The following UBE2G1 variants were observed in gnomAD, a reference collection of about 807,000 sequenced individuals.
The protein encoded by UBE2G1 is ubiquitin-conjugating enzyme E2 G1.
UBE2G1 carries 5 observed loss-of-function variants against 22.7 expected under a neutral mutation model. The observed-to-expected ratio is 0.22, with a 90% CI of 0.12 to 0.46. The LOEUF is 0.46. Among genes scored for constraint, UBE2G1 ranks in the 20% least tolerant of loss-of-function variants. UBE2G1 has a pLI of 0.99. For missense variants in UBE2G1, 88 were observed against 203.9 expected (o/e 0.43, Z 3.46); for synonymous variants, 74 against 67.5 (o/e 1.10, Z -0.47).
chr17:4,355,664 A>T (rs1204310251), intron 1 of UBE2G1, among the ~76,000 whole-genome samples: 3 of 150,732 alleles, frequency 2.0e-5, no homozygotes, highest in Non-Finnish European at 4.4e-5. Context: ...AGAAAAAAAA[A>T]ATTCATTTAC....
At chr17:4,298,739 A>G (rs954126329) in intron 2 of UBE2G1, among the ~76,000 whole-genome samples, 7 of 152,232 alleles carry the variant, frequency 4.6e-5, no homozygotes, top group Non-Finnish European at 8.8e-5. Flanking sequence ...AATTTATACA[A>G]AAAATTTAAC....
chr17:4,317,578 A>C (rs138723239), intron 1 of UBE2G1, among the ~76,000 whole-genome samples: 1 of 152,240 alleles, frequency 6.6e-6, no homozygotes, highest in Non-Finnish European at 1.5e-5. Flanking sequence ...CTTCAAAAAC[A>C]TAAGGAAAAT....
intron 2 of UBE2G1, among the ~76,000 whole-genome samples, chr17:4,299,340 A>G (rs1969146908): frequency 6.6e-6 from 1 of 152,132 alleles, no homozygotes; most frequent in Non-Finnish European, 1.5e-5. Flanking sequence ...TGGAGGGTGC[A>G]GTGAGCCAAG....
chr17:4,290,928 G>A (rs979340639), intron 3 of UBE2G1, among the ~76,000 whole-genome samples: 1 of 152,120 alleles, frequency 6.6e-6, no homozygotes. Flanking sequence ...TGACAGAGAA[G>A]TACAGCAGTG....
chr17:4,280,404 T>C (rs1968874652), intron 5 of UBE2G1, among the ~76,000 whole-genome samples: 1 of 137,794 alleles, frequency 7.3e-6, no homozygotes, highest in Non-Finnish European at 1.5e-5. Flanking sequence ...TGGAGTGCAA[T>C]GATGCAATCT....
intron 1 of UBE2G1, among the ~76,000 whole-genome samples, chr17:4,337,332 A>G (rs900726857): frequency 6.3e-5 from 9 of 142,564 alleles, no homozygotes; most frequent in African/African-American, 8.0e-5. Flanking sequence ...AAAAAAAAAA[A>G]AGAAAAGAAA....
At chr17:4,304,280 G>A (rs1420280060) in intron 2 of UBE2G1, among the ~76,000 whole-genome samples, 1 of 152,096 alleles carries the variant, frequency 6.6e-6, no homozygotes, top group African/African-American at 2.4e-5. Flanking sequence ...ATAGACGTGA[G>A]CCACTGTATC....
At chr17:4,287,165 G>A (rs966280721) in intron 4 of UBE2G1, among the ~76,000 whole-genome samples, 13 of 147,896 alleles carry the variant, frequency 8.8e-5, no homozygotes, top group Non-Finnish European at 1.0e-4. Context: ...GTGCAGAGGC[G>A]CAATCTGGGC....
chr17:4,359,843 C>A (rs1454463215), intron 1 of UBE2G1, among the ~76,000 whole-genome samples: 3 of 144,248 alleles, frequency 2.1e-5, no homozygotes, highest in African/African-American at 7.9e-5. Flanking sequence ...CAGAACAAGG[C>A]TCCATCTCAA....
chr17:4,319,630 G>A (rs1201368184), intron 1 of UBE2G1, among the ~76,000 whole-genome samples: 1 of 152,022 alleles, frequency 6.6e-6, no homozygotes, highest in Non-Finnish European at 1.5e-5. Context: ...AGCCACTCAG[G>A]AGGCTAAGGT....
chr17:4,305,425 C>T (rs1050915251), intron 2 of UBE2G1, among the ~76,000 whole-genome samples: 7 of 152,212 alleles, frequency 4.6e-5, no homozygotes, highest in African/African-American at 1.7e-4. Context: ...CCAGAAGTGA[C>T]CACCAGTATT....
At chr17:4,354,766 AC>A (rs1426693384) in intron 1 of UBE2G1, among the ~76,000 whole-genome samples, 2 of 152,038 alleles carry the variant, frequency 1.3e-5, no homozygotes, top group Middle Eastern at 3.2e-3. Flanking sequence ...CCCTGTCTCT[AC>A]CAAAAAAAAA....
At chr17:4,285,285 T>A (rs140702477) in intron 4 of UBE2G1, among the ~76,000 whole-genome samples, 2 of 150,572 alleles carry the variant, frequency 1.3e-5, no homozygotes, top group Admixed American at 6.6e-5. Context: ...CTAAGTACAA[T>A]GGGGAAAAAA....
At chr17:4,294,334 T>C (rs1969079075) in intron 3 of UBE2G1, among the ~76,000 whole-genome samples, 1 of 150,488 alleles carries the variant, frequency 6.6e-6, no homozygotes, top group South Asian at 2.1e-4. Context: ...GAGAATCGTT[T>C]GAACCCAGGA....
chr17:4,292,002 A>G (rs1969047546), intron 3 of UBE2G1, among the ~76,000 whole-genome samples: 1 of 151,944 alleles, frequency 6.6e-6, no homozygotes, highest in Admixed American at 6.6e-5. Context: ...CTTTCATTTC[A>G]GTGTTCATTA....
chr17:4,274,343 G>A (rs939907626), intron 5 of UBE2G1, among the ~76,000 whole-genome samples: 39 of 151,704 alleles, frequency 2.6e-4, no homozygotes, highest in Non-Finnish European at 4.3e-4. Flanking sequence ...GAATACAGGC[G>A]CCTGCCACCA....
At chr17:4,310,034 A>C (rs564686479) in intron 1 of UBE2G1, among the ~76,000 whole-genome samples, 2 of 152,116 alleles carry the variant, frequency 1.3e-5, no homozygotes, top group East Asian at 3.8e-4. Flanking sequence ...CCAATGTCTC[A>C]CTTTTGTCAT....
chr17:4,302,964 C>G (rs1405315254), intron 2 of UBE2G1, among the ~76,000 whole-genome samples: 2 of 152,006 alleles, frequency 1.3e-5, no homozygotes. Context: ...TCCAGGTGAA[C>G]TTCAGAAAAG....
At chr17:4,349,188 C>A (rs1015571211) in intron 1 of UBE2G1, among the ~76,000 whole-genome samples, 1 of 152,062 alleles carries the variant, frequency 6.6e-6, no homozygotes, top group Non-Finnish European at 1.5e-5. Context: ...GATGTCGTGG[C>A]GCATGCGTGT....
Sources: allele counts gnomAD v4.1 joint callset (sites outside exome capture counted in the v4.1 genomes callset), GRCh38; gene constraint gnomAD v4.1.1; transcripts MANE v1.5; gene names NCBI Gene and HGNC (gene_info 2026-07-23, HGNC 2026-07-21).